Variants in CYP7B1 observed in about 807,000 individuals in gnomAD.
CYP7B1 encodes the protein cytochrome P450 7B1.
In CYP7B1, 29 loss-of-function variants were observed where a neutral mutation model predicts 42.7. The observed-to-expected ratio is 0.68, with a 90% CI of 0.51 to 0.93. The LOEUF (loss-of-function observed/expected upper bound fraction) is 0.93, where lower values mean the gene tolerates loss of function less well. Among genes scored for constraint, CYP7B1 ranks in the 40% least tolerant of loss-of-function variants. The pLI is 0.00. For synonymous variants in CYP7B1, 235 were observed against 218.2 expected, an observed-to-expected ratio of 1.08 and a Z score of -0.68; for missense variants, 655 against 600.5, an observed-to-expected ratio of 1.09 and a Z score of -0.95.
chr8:64,725,048 G>A (rs1279894311), intron 1 of CYP7B1, among the ~76,000 whole-genome samples: 6 of 152,152 alleles, frequency 3.9e-5, no homozygotes, highest in Non-Finnish European at 8.8e-5. Context: ...GAGAAGCCAA[G>A]AAGAATCTGA....
At chr8:64,761,017 G>A (rs1030465361) in intron 1 of CYP7B1, among the ~76,000 whole-genome samples, 9 of 152,052 alleles carry the variant, frequency 5.9e-5, no homozygotes, top group South Asian at 2.1e-4. Flanking sequence ...TTAAAAAGAC[G>A]CAAATGTTGT....
intron 1 of CYP7B1, among the ~76,000 whole-genome samples, chr8:64,689,360 T>C (rs1439427487): frequency 6.6e-6 from 1 of 152,222 alleles, no homozygotes; most frequent in Non-Finnish European, 1.5e-5. Flanking sequence ...GCAGGCACCA[T>C]AAGTGCCTAT....
At chr8:64,696,380 G>C (rs1806828321) in intron 1 of CYP7B1, among the ~76,000 whole-genome samples, 1 of 152,128 alleles carries the variant, frequency 6.6e-6, no homozygotes. Context: ...TTGAAACAAA[G>C]TTCTGGTTAA....
At chr8:64,635,270 A>G (rs1414335870) in intron 1 of CYP7B1, among the ~76,000 whole-genome samples, 5 of 152,208 alleles carry the variant, frequency 3.3e-5, no homozygotes, top group Non-Finnish European at 5.9e-5. Context: ...AGTAATCTCT[A>G]TTGTCCCCTG....
At chr8:64,781,368 A>C (rs1236983793) in intron 1 of CYP7B1, among the ~76,000 whole-genome samples, 1 of 152,108 alleles carries the variant, frequency 6.6e-6, no homozygotes, top group African/African-American at 2.4e-5. Context: ...TAAATAACAA[A>C]AGTTCATTTT....
intron 1 of CYP7B1, among the ~76,000 whole-genome samples, chr8:64,629,746 C>T (rs557135783): frequency 3.1e-4 from 47 of 152,298 alleles, no homozygotes; most frequent in African/African-American, 9.6e-4. Flanking sequence ...TCTTTATCCC[C>T]GCACACTTCT....
At chr8:64,634,415 C>T (rs915347641) in intron 1 of CYP7B1, among the ~76,000 whole-genome samples, 2 of 149,818 alleles carry the variant, frequency 1.3e-5, no homozygotes, top group Non-Finnish European at 3.0e-5. Flanking sequence ...ATGAAAAATA[C>T]ATAAAAAAAA....
intron 4 of CYP7B1, among the ~76,000 whole-genome samples, chr8:64,611,589 A>G (rs1269777383): frequency 6.6e-6 from 1 of 152,146 alleles, no homozygotes; most frequent in Non-Finnish European, 1.5e-5. Flanking sequence ...TTCTAGAGTT[A>G]TAATTTTTAA....
intron 1 of CYP7B1, among the ~76,000 whole-genome samples, chr8:64,764,354 G>A (rs1807939873): frequency 6.6e-6 from 1 of 150,570 alleles, no homozygotes; most frequent in African/African-American, 2.4e-5. Context: ...CAACATAATA[G>A]ATCAGGATAA....
chr8:64,779,196 C>G (rs1183282723), intron 1 of CYP7B1, among the ~76,000 whole-genome samples: 2 of 149,636 alleles, frequency 1.3e-5, no homozygotes, highest in African/African-American at 4.8e-5. Context: ...AAGGAAAAAA[C>G]TTAAGAAGTT....
chr8:64,670,418 A>G (rs550609383), intron 1 of CYP7B1, among the ~76,000 whole-genome samples: 4 of 152,316 alleles, frequency 2.6e-5, no homozygotes, highest in Admixed American at 1.3e-4. Context: ...AAAAAAAGAT[A>G]GGCTTCTGCC....
chr8:64,600,735 C>T (rs763565886), intron 5 of CYP7B1, among the ~76,000 whole-genome samples: 15 of 152,008 alleles, frequency 9.9e-5, no homozygotes, highest in Non-Finnish European at 1.5e-4. Context: ...GTTTATACTA[C>T]GAAAATTGAC....
intron 1 of CYP7B1, among the ~76,000 whole-genome samples, chr8:64,751,366 T>C (rs1489456628): frequency 1.3e-5 from 2 of 152,140 alleles, no homozygotes; most frequent in African/African-American, 4.8e-5. Context: ...CATAATATGG[T>C]ATAAACATTT....
chr8:64,795,182 T>G (rs558102965), intron 1 of CYP7B1, among the ~76,000 whole-genome samples: 1 of 152,230 alleles, frequency 6.6e-6, no homozygotes, highest in African/African-American at 2.4e-5. Flanking sequence ...ACAACATGAG[T>G]GAATCTTAAA....
intron 1 of CYP7B1, among the ~76,000 whole-genome samples, chr8:64,684,192 A>C (rs138327036): frequency 6.6e-6 from 1 of 152,360 alleles, no homozygotes; most frequent in East Asian, 1.9e-4. Context: ...TTGGGTTTAC[A>C]CACTCCTCAT....
At chr8:64,601,879 TTTTGC>T (rs1254415839) in intron 5 of CYP7B1, among the ~76,000 whole-genome samples, 2 of 152,210 alleles carry the variant, frequency 1.3e-5, no homozygotes, top group African/African-American at 4.8e-5. Context: ...TAGCATCTCC[TTTTGC>T]CATAGTTCTT....
chr8:64,694,667 GTTTT>G (rs1349874632), intron 1 of CYP7B1, among the ~76,000 whole-genome samples: 1 of 152,120 alleles, frequency 6.6e-6, no homozygotes, highest in African/African-American at 2.4e-5. Context: ...TATTTCAAGT[GTTTT>G]TTATTTCTAG....
Position 64,666,315 on chromosome 8 carries a change from G to A in CYP7B1, c.123-41776C>T, listed in dbSNP as rs1237910366. On this transcript the variant is annotated intron_variant, in intron 1 of 5. Transcript: ENST00000310193. ...CACTGTCCTTGGCATTATGGATACAGAAGTGATTCAGACAAAATTTCCTTA... is the reference window on the plus strand; with the variant it reads ...CACTGTCCTTGGCATTATGGATACAAAAGTGATTCAGACAAAATTTCCTTA... 3.9e-5 allele frequency among the ~76,000 whole-genome samples: 6 copies of A among 152,140 alleles called. No individual in the cohort carries two copies. In the East Asian group the frequency reaches 7.7e-4, roughly 19 times the overall value.
intron 1 of CYP7B1, among the ~76,000 whole-genome samples, chr8:64,719,021 C>T (rs1807199332): frequency 6.6e-6 from 1 of 152,128 alleles, no homozygotes; most frequent in Non-Finnish European, 1.5e-5. Flanking sequence ...GGAATTTCAG[C>T]TCATAACACA....
Sources: allele counts gnomAD v4.1 joint callset (sites outside exome capture counted in the v4.1 genomes callset), GRCh38; gene constraint gnomAD v4.1.1; transcripts MANE v1.5; gene names NCBI Gene and HGNC (gene_info 2026-07-23, HGNC 2026-07-21).